The following ZNF710 variants were observed in gnomAD, a reference collection of about 807,000 sequenced individuals.
ZNF710 encodes the protein zinc finger protein 710.
ZNF710 carries 13 observed loss-of-function variants against 50.6 expected under a neutral mutation model. The observed-to-expected ratio is 0.26, with a 90% CI of 0.17 to 0.41. ZNF710 has a LOEUF of 0.41. ZNF710 is among the 10% of genes least tolerant of loss of function. ZNF710 has a pLI of 1.00. For missense variants in ZNF710, 721 were observed against 936.6 expected, an observed-to-expected ratio of 0.77 and a Z score of 3.01; for synonymous variants, 383 against 397.0, an observed-to-expected ratio of 0.96 and a Z score of 0.42.
rs1351607241 is a variant in ZNF710, at chr15:90,059,422, C to T, written c.-28-7688C>T. 1.3e-5 allele frequency among the ~76,000 whole-genome samples: 2 copies of T among 152,242 alleles called. No individual in the cohort carries two copies. The highest frequency in any genetic ancestry group is 3.8e-4 in the East Asian group (2 of 5,202). On this transcript the variant is annotated intron_variant, in intron 1 of 4. Transcript: ENST00000268154. The surrounding 1 kb of genome is among the most constrained non-coding windows in gnomAD (Gnocchi z 4.1). The stretch of plus-strand genomic sequence containing the variant: ...TCTCACTGTGTGACCTTGGACCATT[C>T]CCTTCCCCTCCCTGGGCCTCAGTTT...
chr15:90,039,061 T>A (rs1596281772), intron 1 of ZNF710, among the ~76,000 whole-genome samples: 1 of 152,244 alleles, frequency 6.6e-6, no homozygotes, highest in South Asian at 2.1e-4. Context: ...GGTGGATCAC[T>A]TGAGGCCAGA....
At position 90,080,998 on chromosome 15, in the gene ZNF710, G is replaced by A. The variant is rs567088358; in HGVS notation, c.*1169G>A. 2 of 152,296 alleles carry A rather than the reference G, an allele frequency of 1.3e-5. No homozygotes were observed. Among genetic ancestry groups the A allele is most frequent in the South Asian group, 4.1e-4 (2 of 4,824 alleles). 9.4% of individuals were successfully genotyped at this position (152,296 alleles called of 1,614,324 possible). On this transcript the variant is annotated 3_prime_UTR_variant, in exon 5 of 5. Coordinates refer to ENST00000268154, the MANE Select transcript of ZNF710 (RefSeq NM_198526.4). Reference sequence around the variant, plus strand: ...CCACCCACCCCGAGCAGCCTGGCCGGGCAGGACTGGGGCTCCATGGGGACT... The same window carrying A: ...CCACCCACCCCGAGCAGCCTGGCCGAGCAGGACTGGGGCTCCATGGGGACT...
chr15:90,057,969 T>C (rs1899876352), intron 1 of ZNF710, among the ~76,000 whole-genome samples: 1 of 152,162 alleles, frequency 6.6e-6, no homozygotes, highest in African/African-American at 2.4e-5. Context: ...CCTTGGGTTT[T>C]AGGGTACTGT....
upstream of ZNF710, among the ~76,000 whole-genome samples, chr15:90,000,927 G>A (rs539441677): frequency 6.6e-6 from 1 of 151,994 alleles, no homozygotes; most frequent in Non-Finnish European, 1.5e-5. Flanking sequence ...CCATTTCCAA[G>A]CGAGGTCTGC....
At chr15:90,079,126 GA>G (rs1900661397) in intron 4 of ZNF710, among the ~76,000 whole-genome samples, 1 of 152,178 alleles carries the variant, frequency 6.6e-6, no homozygotes, top group Admixed American at 6.5e-5. Flanking sequence ...CAGTGGCTCA[GA>G]ACAACAGCAT....
At chr15:90,030,535 C>T (rs982724803) in intron 1 of ZNF710, among the ~76,000 whole-genome samples, 1 of 151,928 alleles carries the variant, frequency 6.6e-6, no homozygotes, top group Non-Finnish European at 1.5e-5. Flanking sequence ...GAATGCTTAT[C>T]ATGTGCCAGG....
In ZNF710 at chr15:90,059,645, G is replaced by A. The variant is rs56268792; in HGVS notation, c.-28-7465G>A. On this transcript the variant is annotated intron_variant, in intron 1 of 4. Coordinates refer to ENST00000268154, the MANE Select transcript of ZNF710 (RefSeq NM_198526.4). This position sits in a 1 kb window ranked among gnomAD's most constrained non-coding sequence, Gnocchi z 4.1. ...ACTTCCCCTGCCCCTCCCCCGTGCC[G>A]GCGGCAGCTCCCTGGGCCTCTGGCT... Among the ~76,000 whole-genome samples the A allele has an allele frequency of 0.095, 14,510 of 152,106 alleles. 804 individuals carry two copies. Among genetic ancestry groups the A allele is most frequent in the South Asian group, 0.12 (590 of 4,822 alleles).
At chr15:90,048,189 C>T (rs1408275519) in intron 1 of ZNF710, among the ~76,000 whole-genome samples, 3 of 152,234 alleles carry the variant, frequency 2.0e-5, no homozygotes, top group African/African-American at 7.2e-5. Flanking sequence ...AGTGCAGAAC[C>T]TGGCAGGGAG....
intron 1 of ZNF710, among the ~76,000 whole-genome samples, chr15:90,035,155 C>T (rs902209820): frequency 6.6e-6 from 1 of 152,232 alleles, no homozygotes; most frequent in Non-Finnish European, 1.5e-5. Context: ...GGTGATTGAC[C>T]GCATTTGCCT....
In ZNF710 at chr15:90,004,816, T is replaced by A. The variant is rs187847850; in HGVS notation, c.-29+3202T>A. On this transcript the variant is annotated intron_variant, in intron 1 of 4. Coordinates refer to ENST00000268154, the MANE Select transcript of ZNF710 (RefSeq NM_198526.4). ...CCGTGCGCTCACGCCGCACACGAGT[T>A]GGGTAAATGGAGCGCCTCATTTTCC... Among the ~76,000 whole-genome samples, 146 of 152,330 alleles carry A rather than the reference T, an allele frequency of 9.6e-4. 1 individual carries two copies. The highest frequency in any genetic ancestry group is 3.4e-3 in the Middle Eastern group (1 of 294).
At chr15:90,029,782 T>C (rs1210272311) in intron 1 of ZNF710, among the ~76,000 whole-genome samples, 1 of 151,642 alleles carries the variant, frequency 6.6e-6, no homozygotes, top group Non-Finnish European at 1.5e-5. Flanking sequence ...GCCCGGCTAA[T>C]TTTTCTATTT....
At chr15:90,033,137 C>G (rs1160880494) in intron 1 of ZNF710, among the ~76,000 whole-genome samples, 1 of 152,164 alleles carries the variant, frequency 6.6e-6, no homozygotes, top group Admixed American at 6.5e-5. Flanking sequence ...TGTTTAGAAA[C>G]TTCTGTAGTT....
At position 90,067,084 on chromosome 15, in the gene ZNF710, A is replaced by G; in HGVS notation, c.-28-26A>G. 1.3e-6 allele frequency: 2 copies of G among 1,537,602 alleles called. No homozygotes were observed. The highest frequency in any genetic ancestry group is 1.4e-5 in the African/African-American group (1 of 72,564). On this transcript the variant is annotated intron_variant, in intron 1 of 4. Coordinates refer to ENST00000268154, the MANE Select transcript of ZNF710 (RefSeq NM_198526.4). This position sits in a 1 kb window ranked among gnomAD's most constrained non-coding sequence, Gnocchi z 8.1. ...GTCTGTGCAGGAGTGAGCCAGCAAT[A>G]TTAACCTTCCCTTCTCCACCCACAG...
chr15:90,058,306 C>G (rs147651236), intron 1 of ZNF710, among the ~76,000 whole-genome samples: 77 of 152,174 alleles, frequency 5.1e-4, no homozygotes, highest in Non-Finnish European at 9.3e-4. Flanking sequence ...AAGGTCAGGT[C>G]ACTGAGAGTG....
chr15:90,030,911 T>C (rs986245381), intron 1 of ZNF710, among the ~76,000 whole-genome samples: 8 of 149,514 alleles, frequency 5.4e-5, no homozygotes, highest in Admixed American at 2.7e-4. Flanking sequence ...CCCAGCTACT[T>C]GGGAGGCTGA....
intron 1 of ZNF710, among the ~76,000 whole-genome samples, chr15:90,014,357 G>A (rs1163667600): frequency 6.6e-6 from 1 of 151,794 alleles, no homozygotes. Flanking sequence ...GAAGGAGAAG[G>A]GACTTCAAGA....
At chr15:90,066,825 T>C (rs1027352891) in intron 1 of ZNF710, among the ~76,000 whole-genome samples, 12 of 152,036 alleles carry the variant, frequency 7.9e-5, no homozygotes, top group African/African-American at 2.9e-4. Context: ...TTGAGAACAA[T>C]TGAGGAAATC....
chr15:90,041,019 T>A (rs1045261811), intron 1 of ZNF710, among the ~76,000 whole-genome samples: 9 of 152,202 alleles, frequency 5.9e-5, no homozygotes, highest in Non-Finnish European at 1.5e-5. Flanking sequence ...AAGAGTTCAT[T>A]ATTGTTTCTT....
intron 1 of ZNF710, among the ~76,000 whole-genome samples, chr15:90,030,198 G>A (rs895437321): frequency 6.6e-6 from 1 of 151,462 alleles, no homozygotes; most frequent in Non-Finnish European, 1.5e-5. Flanking sequence ...ATGTGGTGGT[G>A]CATGCCTGTG....
Sources: allele counts gnomAD v4.1 joint callset (sites outside exome capture counted in the v4.1 genomes callset), GRCh38; gene constraint gnomAD v4.1.1; non-coding constraint Gnocchi (gnomAD v3.1); transcripts MANE v1.5; gene names NCBI Gene and HGNC (gene_info 2026-07-23, HGNC 2026-07-21).